Variants in PIK3C2G observed in about 807,000 individuals in gnomAD.
The protein encoded by PIK3C2G is phosphatidylinositol-4-phosphate 3-kinase catalytic subunit type 2 gamma, also known as phosphatidylinositol 3-kinase C2 domain-containing subunit gamma.
In PIK3C2G, 168 loss-of-function variants were observed where a neutral mutation model predicts 181.1. That is an observed-to-expected ratio of 0.93 (90% confidence interval 0.82 to 1.05). The LOEUF is 1.05. Among genes scored for constraint, PIK3C2G ranks in the 50% least tolerant of loss-of-function variants. The pLI is 0.00. For synonymous variants in PIK3C2G, 573 were observed against 592.2 expected (o/e 0.97, Z 0.47); for missense variants, 1,869 against 1,732.8 (o/e 1.08, Z -1.40).
chr12:18,403,402 T>G (rs1033946648), intron 16 of PIK3C2G, among the ~76,000 whole-genome samples: 1 of 152,178 alleles, frequency 6.6e-6, no homozygotes, highest in South Asian at 2.1e-4. Flanking sequence ...TACTGAACTA[T>G]TAAAAAACTT....
chr12:18,447,453 T>C (rs1168505969), intron 18 of PIK3C2G, among the ~76,000 whole-genome samples: 2 of 152,206 alleles, frequency 1.3e-5, no homozygotes, highest in Non-Finnish European at 1.5e-5. Flanking sequence ...ATTTGCAGCC[T>C]TTCTTGTGAT....
chr12:18,501,311 GA>G (rs34572985), intron 22 of PIK3C2G, among the ~76,000 whole-genome samples: 2 of 151,626 alleles, frequency 1.3e-5, no homozygotes, highest in Non-Finnish European at 2.9e-5. Flanking sequence ...AAGGTGGCAG[GA>G]AAAAAAGGGG....
intron 31 of PIK3C2G, among the ~76,000 whole-genome samples, chr12:18,611,515 C>G (rs1250216019): frequency 6.6e-6 from 1 of 152,052 alleles, no homozygotes; most frequent in Non-Finnish European, 1.5e-5. Flanking sequence ...ATCTACAATT[C>G]CAGCTTGGAA....
At chr12:18,291,732 T>C (rs1389084057) in intron 4 of PIK3C2G, among the ~76,000 whole-genome samples, 1 of 152,050 alleles carries the variant, frequency 6.6e-6, no homozygotes, top group African/African-American at 2.4e-5. Flanking sequence ...AAATATTTTC[T>C]TTTATTTATT....
chr12:18,531,941 A>G (rs1204341788), intron 24 of PIK3C2G, among the ~76,000 whole-genome samples: 2 of 151,292 alleles, frequency 1.3e-5, no homozygotes, highest in African/African-American at 4.8e-5. Context: ...TGTTGTTTTT[A>G]AGAAACTGCC....
intron 18 of PIK3C2G, among the ~76,000 whole-genome samples, chr12:18,465,779 C>A (rs1265290734): frequency 2.6e-5 from 4 of 151,616 alleles, no homozygotes; most frequent in Non-Finnish European, 1.5e-5. Context: ...GGAAGTTGGG[C>A]TTTTGGACTT....
chr12:18,449,508 T>C (rs1331615840), intron 18 of PIK3C2G, among the ~76,000 whole-genome samples: 1 of 152,116 alleles, frequency 6.6e-6, no homozygotes, highest in Non-Finnish European at 1.5e-5. Flanking sequence ...TGTGTCCATG[T>C]GTTCTCATTG....
chr12:18,316,944 G>T (rs970439856), intron 6 of PIK3C2G, among the ~76,000 whole-genome samples: 8 of 151,450 alleles, frequency 5.3e-5, no homozygotes, highest in Non-Finnish European at 1.0e-4. Flanking sequence ...CAATTAAAAA[G>T]CAGGGGTAAC....
intron 23 of PIK3C2G, among the ~76,000 whole-genome samples, chr12:18,504,329 A>G (rs1417673701): frequency 6.6e-6 from 1 of 152,232 alleles, no homozygotes; most frequent in African/African-American, 2.4e-5. Flanking sequence ...AGCTGTTCCC[A>G]AAATTATAAC....
intron 8 of PIK3C2G, among the ~76,000 whole-genome samples, chr12:18,333,296 T>C (rs1201593830): frequency 1.3e-5 from 2 of 152,172 alleles, no homozygotes; most frequent in Non-Finnish European, 2.9e-5. Context: ...TTTGTTTGTT[T>C]GTTTATTATA....
intron 31 of PIK3C2G, among the ~76,000 whole-genome samples, chr12:18,612,449 A>T (rs575568768): frequency 6.6e-6 from 1 of 152,068 alleles, no homozygotes; most frequent in Non-Finnish European, 1.5e-5. Flanking sequence ...TATAGTAGGT[A>T]CTCAGTAAAG....
chr12:18,515,186 TTC>T (rs1051324658), intron 24 of PIK3C2G, among the ~76,000 whole-genome samples: 2 of 151,860 alleles, frequency 1.3e-5, no homozygotes, highest in African/African-American at 4.8e-5. Flanking sequence ...ACCTGTGGTT[TTC>T]TTTTTTTGTT....
chr12:18,643,274 C>T (rs1319275141), intron 32 of PIK3C2G, among the ~76,000 whole-genome samples: 1 of 152,094 alleles, frequency 6.6e-6, no homozygotes, highest in Non-Finnish European at 1.5e-5. Context: ...CACTACAAAT[C>T]TTTCTCAATT....
In PIK3C2G at chr12:18,303,142, T is replaced by TTTC. The variant is rs1565575699; in HGVS notation, c.1034+9127_1034+9128insTTC. Among the ~76,000 whole-genome samples the TTTC allele has an allele frequency of 4.9e-4, 28 of 57,408 alleles. No homozygotes were observed. The East Asian group carries it at 0.017, about 35-fold the overall frequency. The allele number at this position is 57,408 out of a possible 152,430, so 37.7% of individuals were successfully genotyped here. On this transcript the variant is annotated intron_variant, in intron 5 of 32. Coordinates refer to ENST00000538779, the MANE Select transcript of PIK3C2G (RefSeq NM_001288772.2). ...TCTTTCTTTCTTTCTTTCTTTCTTT[T>TTTC]CTTTTCTTTCTTCTTTCTCTTTCTT...
At chr12:18,496,515 A>G (rs1283229112) in intron 21 of PIK3C2G, among the ~76,000 whole-genome samples, 1 of 152,186 alleles carries the variant, frequency 6.6e-6, no homozygotes, top group East Asian at 1.9e-4. Context: ...GAAATGACAT[A>G]AGTTAATTTA....
chr12:18,473,902 A>AC, intron 18 of PIK3C2G, among the ~76,000 whole-genome samples: 1 of 112,712 alleles, frequency 8.9e-6, no homozygotes, highest in African/African-American at 4.6e-5. Flanking sequence ...TTTGGCAAAA[A>AC]CAGTATAAAA....
chr12:18,503,329 G>T lies in PIK3C2G; in HGVS notation c.3065G>T (p.Arg1022Leu). 3 of 1,611,404 alleles carry T rather than the reference G, an allele frequency of 1.9e-6. No homozygotes were observed. The highest frequency in any genetic ancestry group is 1.7e-6 in the Non-Finnish European group (2 of 1,178,162). ...GCTGTGACCCTAGCAAAGATTCATCGCCATTCTGGACTGATAGGACCATTG... is the reference window on the plus strand; with the variant it reads ...GCTGTGACCCTAGCAAAGATTCATCTCCATTCTGGACTGATAGGACCATTG... ...PDAVTLAKIH[R>L]HSGLIGPLKE... is the part of the protein sequence containing the mutation. Residue 1022 changes from arginine to leucine, a missense_variant, in exon 23 of 33, where the codon CGC (arginine) becomes CTC (leucine). Coordinates refer to ENST00000538779, the MANE Select transcript of PIK3C2G (RefSeq NM_001288772.2).
At chr12:18,349,839 A>T (rs1252815297) in intron 11 of PIK3C2G, among the ~76,000 whole-genome samples, 1 of 152,178 alleles carries the variant, frequency 6.6e-6, no homozygotes, top group Non-Finnish European at 1.5e-5. Flanking sequence ...TAGTTTTTAA[A>T]AACCTCTAGT....
intron 24 of PIK3C2G, among the ~76,000 whole-genome samples, chr12:18,513,813 AT>A (rs753176926): frequency 3.3e-5 from 5 of 150,408 alleles, no homozygotes; most frequent in African/African-American, 9.8e-5. Context: ...CAACTGTGTG[AT>A]TTTTTTTCTG....
Sources: allele counts gnomAD v4.1 joint callset (sites outside exome capture counted in the v4.1 genomes callset), GRCh38; gene constraint gnomAD v4.1.1; transcripts MANE v1.5; gene names NCBI Gene and HGNC (gene_info 2026-07-23, HGNC 2026-07-21).